Variants in TMEM132D observed in about 807,000 individuals in gnomAD.
The protein encoded by TMEM132D is transmembrane protein 132D.
In TMEM132D, 21 loss-of-function variants were observed where a neutral mutation model predicts 62.3. The observed-to-expected ratio is 0.34, with a 90% CI of 0.24 to 0.49. The LOEUF is 0.49. Ranked by LOEUF, TMEM132D falls within the 20% of genes least tolerant of loss-of-function variation. The pLI is 0.99. For missense variants in TMEM132D, 1,346 were observed against 1,402.8 expected, an observed-to-expected ratio of 0.96 and a Z score of 0.65; for synonymous variants, 621 against 575.6, an observed-to-expected ratio of 1.08 and a Z score of -1.13.
chr12:129,593,667 GA>G (rs1385381231), intron 2 of TMEM132D, among the ~76,000 whole-genome samples: 2 of 152,194 alleles, frequency 1.3e-5, no homozygotes, highest in Admixed American at 6.5e-5. Context: ...CCACCTTGGA[GA>G]GGAAGATGTT....
Position 129,391,979 on chromosome 12 carries a change from A to C in TMEM132D, c.1116-54162T>G, listed in dbSNP as rs543087715. Among the ~76,000 whole-genome samples the C allele has an allele frequency of 1.8e-3, 276 of 151,828 alleles. 1 individual carries two copies. The highest frequency in any genetic ancestry group is 6.1e-3 in the African/African-American group (254 of 41,370). On this transcript the variant is annotated intron_variant, in intron 3 of 8. Transcript: ENST00000422113. ...ACCATGTTGGCCAGGCTGGTCTCGA[A>C]CTCCTGACCTCAGGTGATCTGCCTG...
intron 4 of TMEM132D, among the ~76,000 whole-genome samples, chr12:129,287,356 G>A (rs981212383): frequency 6.6e-6 from 1 of 152,110 alleles, no homozygotes; most frequent in Non-Finnish European, 1.5e-5. Flanking sequence ...AGGGAATGAT[G>A]GTAATACAAA....
At chr12:129,647,121 C>CATACACAT (rs968615665) in intron 2 of TMEM132D, among the ~76,000 whole-genome samples, 1 of 146,400 alleles carries the variant, frequency 6.8e-6, no homozygotes, top group South Asian at 2.2e-4. Flanking sequence ...TACATACATA[C>CATACACAT]ATATATATAT....
At chr12:129,440,116 T>G (rs1213048020) in intron 3 of TMEM132D, among the ~76,000 whole-genome samples, 1 of 152,200 alleles carries the variant, frequency 6.6e-6, no homozygotes, top group Admixed American at 6.5e-5. Flanking sequence ...CCTCCGTGAT[T>G]CCAGCACACT....
chr12:129,153,259 C>T (rs1877131240), intron 5 of TMEM132D, among the ~76,000 whole-genome samples: 1 of 152,138 alleles, frequency 6.6e-6, no homozygotes, highest in Non-Finnish European at 1.5e-5. Context: ...CGATAGAATG[C>T]AGTAGCCGCA....
chr12:129,275,455 C>T (rs1461697113), intron 4 of TMEM132D, among the ~76,000 whole-genome samples: 1 of 152,174 alleles, frequency 6.6e-6, no homozygotes, highest in African/African-American at 2.4e-5. Context: ...TATATCTATT[C>T]ACTCTCTAGT....
At chr12:129,327,023 T>C (rs2135647730) in intron 4 of TMEM132D, among the ~76,000 whole-genome samples, 1 of 152,306 alleles carries the variant, frequency 6.6e-6, no homozygotes, top group South Asian at 2.1e-4. Context: ...CACGTGGCCG[T>C]GTTGACAACC....
rs77360679 is a variant in TMEM132D, at chr12:129,113,017, A to G, written c.1444-28315T>C. 1,404 of 152,248 alleles carry G rather than the reference A, an allele frequency of 9.2e-3. 30 individuals carry two copies. Among genetic ancestry groups the G allele is most frequent in the African/African-American group, 0.032 (1,340 of 41,520 alleles). The allele number at this position is 152,248 out of a possible 1,614,324, so 9.4% of individuals were successfully genotyped here. A position where few individuals can be genotyped will look rare whatever the true frequency, so the allele number is the denominator to read the frequency against. On this transcript the variant is annotated intron_variant, in intron 5 of 8. Transcript: ENST00000422113. Reference sequence around the variant, plus strand: ...GCTGTAATGATGTATTAATTGACATAGTTTTCTTTTTTCTTCTGAGCCAAA... The same window carrying G: ...GCTGTAATGATGTATTAATTGACATGGTTTTCTTTTTTCTTCTGAGCCAAA...
chr12:129,854,562 T>C (rs1053970387), intron 1 of TMEM132D: 22 of 152,124 alleles, frequency 1.4e-4, no homozygotes, highest in African/African-American at 5.3e-4. Context: ...AAAACTGACC[T>C]TGTGGAACAA....
rs1881360223 is a variant in TMEM132D at position 129,700,482 on chromosome 12, G to C, written c.296C>G (p.Pro99Arg). The change falls in exon 2 of 9, where the codon CCT becomes CGT. Residue 99 changes from proline (P) to arginine (R), a missense_variant. Pro to Arg is a moderately radical substitution (Grantham distance 103). Coordinates refer to ENST00000422113, the MANE Select transcript of TMEM132D (RefSeq NM_133448.3). ...RLPVLNASYG[P>R]FSIEQVVPQD... Reference sequence around the variant, plus strand: ...GGGCACCACTTGCTCGATGGAGAAAGGCCCGTAGCTGGCATTGAGGACAGG... The same window carrying C: ...GGGCACCACTTGCTCGATGGAGAAACGCCCGTAGCTGGCATTGAGGACAGG... 6.2e-7 allele frequency: 1 copy of C among 1,614,064 alleles called. No homozygotes were observed. The highest frequency in any genetic ancestry group is 8.5e-7 in the Non-Finnish European group (1 of 1,180,050).
chr12:129,472,946 C>A (rs1566081094), intron 3 of TMEM132D, among the ~76,000 whole-genome samples: 1 of 152,028 alleles, frequency 6.6e-6, no homozygotes. Flanking sequence ...CTCACTGCAA[C>A]CTCCTCCTCT....
At chr12:129,271,181 A>C (rs1393914292) in intron 4 of TMEM132D, among the ~76,000 whole-genome samples, 1 of 152,064 alleles carries the variant, frequency 6.6e-6, no homozygotes, top group African/African-American at 2.4e-5. Flanking sequence ...GGACTGACTG[A>C]TGGGGATTTG....
chr12:129,152,105 G>T (rs1400704695), intron 5 of TMEM132D, among the ~76,000 whole-genome samples: 1 of 152,066 alleles, frequency 6.6e-6, no homozygotes, highest in Non-Finnish European at 1.5e-5. Flanking sequence ...TCGATCTCTT[G>T]ACCTCATGAT....
chr12:129,375,393 G>A (rs1445121846), intron 3 of TMEM132D, among the ~76,000 whole-genome samples: 1 of 152,172 alleles, frequency 6.6e-6, no homozygotes, highest in Non-Finnish European at 1.5e-5. Context: ...GGTGCATATT[G>A]GGAATCATCT....
At chr12:129,172,741 G>A in intron 5 of TMEM132D, among the ~76,000 whole-genome samples, 1 of 152,136 alleles carries the variant, frequency 6.6e-6, no homozygotes, top group East Asian at 1.9e-4. Context: ...ACCACACCCA[G>A]CTAATTTTGT....
chr12:129,740,128 A>C (rs896248992), intron 1 of TMEM132D, among the ~76,000 whole-genome samples: 2 of 151,076 alleles, frequency 1.3e-5, no homozygotes, highest in African/African-American at 4.9e-5. Context: ...ACTATTGACC[A>C]CTCCTGCTAC....
At chr12:129,123,094 T>C (rs1412327463) in intron 5 of TMEM132D, among the ~76,000 whole-genome samples, 1 of 152,108 alleles carries the variant, frequency 6.6e-6, no homozygotes, top group African/African-American at 2.4e-5. Context: ...TTCTAAACTA[T>C]CAATAATAAA....
chr12:129,567,195 G>C (rs1877389867), intron 2 of TMEM132D, among the ~76,000 whole-genome samples: 1 of 152,158 alleles, frequency 6.6e-6, no homozygotes, highest in Non-Finnish European at 1.5e-5. Context: ...GATGACATTG[G>C]TGCTGATATT....
intron 5 of TMEM132D, among the ~76,000 whole-genome samples, chr12:129,166,762 CAT>C (rs1353544931): frequency 1.0e-4 from 2 of 19,670 alleles, no homozygotes; most frequent in Non-Finnish European, 1.6e-4. Context: ...TACACACACA[CAT>C]ATATATATAT....
Sources: gnomAD v4.1 joint callset for allele counts (sites outside exome capture counted in the v4.1 genomes callset) on GRCh38, gnomAD v4.1.1 for gene constraint, MANE v1.5 for transcripts, NCBI Gene and HGNC (gene_info 2026-07-23, HGNC 2026-07-21) for gene names.